COL25A1: variants seen among roughly 807,000 people sequenced by gnomAD.
COL25A1 encodes the protein collagen alpha-1(XXV) chain.
A neutral mutation model predicts 128.4 loss-of-function variants in COL25A1; 103 were observed. The ratio of observed to expected loss-of-function variants is 0.80; its 90% CI spans 0.68 to 0.94. COL25A1 has a LOEUF of 0.94. Among genes scored for constraint, COL25A1 ranks in the 40% least tolerant of loss-of-function variants. The pLI is 0.00. For synonymous variants in COL25A1, 279 were observed against 277.2 expected (o/e 1.01, Z -0.06); for missense variants, 745 against 840.0 (o/e 0.89, Z 1.40).
At chr4:109,267,410 G>C (rs1297945) in intron 3 of COL25A1, among the ~76,000 whole-genome samples, 1 of 151,878 alleles carries the variant, frequency 6.6e-6, no homozygotes, top group South Asian at 2.1e-4. Context: ...CTATTCAATT[G>C]TATTTCTAAA....
chr4:109,232,945 A>G (rs1416399496), intron 3 of COL25A1, among the ~76,000 whole-genome samples: 1 of 152,216 alleles, frequency 6.6e-6, no homozygotes, highest in Non-Finnish European at 1.5e-5. Context: ...ATTCTGTTCT[A>G]AAATTTCAAA....
At chr4:109,238,993 C>G (rs1779653433) in intron 3 of COL25A1, among the ~76,000 whole-genome samples, 3 of 151,978 alleles carry the variant, frequency 2.0e-5, no homozygotes, top group African/African-American at 7.2e-5. Flanking sequence ...GAGGGGAACC[C>G]CTTCATAGGC....
At chr4:108,927,066 C>T (rs551028673) in intron 11 of COL25A1, among the ~76,000 whole-genome samples, 11 of 152,194 alleles carry the variant, frequency 7.2e-5, no homozygotes, top group Non-Finnish European at 1.3e-4. Flanking sequence ...TTCATGGATC[C>T]TGTCTTCAGT....
intron 3 of COL25A1, among the ~76,000 whole-genome samples, chr4:109,072,236 T>C (rs1450602295): frequency 6.6e-6 from 1 of 152,198 alleles, no homozygotes; most frequent in African/African-American, 2.4e-5. Flanking sequence ...TGAGTCTCCA[T>C]ACCTATGTCA....
chr4:108,848,661 C>A, intron 27 of COL25A1, 98 bp downstream of exon 27: 1 of 816,996 alleles, frequency 1.2e-6, no homozygotes, highest in South Asian at 1.5e-5. Context: ...AAGAGGGTAT[C>A]AAATATCAAT....
intron 3 of COL25A1, among the ~76,000 whole-genome samples, chr4:109,171,659 T>A (rs919506408): frequency 6.6e-6 from 1 of 152,218 alleles, no homozygotes; most frequent in African/African-American, 2.4e-5. Flanking sequence ...TTTTCCAAGG[T>A]AAGTGCTGTA....
chr4:109,056,582 T>G (rs193053372), intron 3 of COL25A1, among the ~76,000 whole-genome samples: 1 of 151,928 alleles, frequency 6.6e-6, no homozygotes. Context: ...ATGCAGAAAC[T>G]ATGTTCACTG....
At chr4:108,995,787 A>T (rs955649088) in intron 6 of COL25A1, among the ~76,000 whole-genome samples, 2 of 152,218 alleles carry the variant, frequency 1.3e-5, no homozygotes, top group Non-Finnish European at 2.9e-5. Flanking sequence ...AAACCCTATA[A>T]GCCAGAAGAG....
At chr4:108,822,467 A>G (rs985208267) in intron 35 of COL25A1, among the ~76,000 whole-genome samples, 1 of 152,182 alleles carries the variant, frequency 6.6e-6, no homozygotes, top group Non-Finnish European at 1.5e-5. Flanking sequence ...CCCAGGCTAA[A>G]GTACAGTGGT....
At chr4:108,868,261 T>C (rs927786925) in intron 20 of COL25A1, among the ~76,000 whole-genome samples, 1 of 152,136 alleles carries the variant, frequency 6.6e-6, no homozygotes, top group African/African-American at 2.4e-5. Context: ...CTGAAATATT[T>C]CACCATCCTG....
intron 3 of COL25A1, among the ~76,000 whole-genome samples, chr4:109,185,263 C>T (rs964987690): frequency 6.6e-6 from 1 of 152,136 alleles, no homozygotes; most frequent in South Asian, 2.1e-4. Context: ...CCTTGGGATA[C>T]ACCTAATCTC....
rs1226949530 is a variant in COL25A1, at chr4:108,848,646, A to C, written c.1434+113T>G. ...ATGAAGTCTCTAGAACAAATGGTTA[A>C]AAGAAAGAGGGTATCAAATATCAAT... On this transcript the variant is annotated intron_variant, in intron 27 of 37. Coordinates refer to ENST00000399132, the MANE Select transcript of COL25A1 (RefSeq NM_198721.4). 1.2e-5 allele frequency: 9 copies of C among 743,366 alleles called. No homozygotes were observed. In the East Asian group the frequency reaches 1.3e-4, roughly 11 times the overall value. The allele number at this position is 743,366 out of a possible 1,614,324, so 46.0% of individuals were successfully genotyped here.
At chr4:109,240,311 G>A (rs573225361) in intron 3 of COL25A1, among the ~76,000 whole-genome samples, 2 of 152,134 alleles carry the variant, frequency 1.3e-5, no homozygotes, top group Admixed American at 1.3e-4. Context: ...TGTGAGTAAT[G>A]CATTGTGCCA....
At chr4:109,097,876 A>G (rs1285639433) in intron 3 of COL25A1, among the ~76,000 whole-genome samples, 1 of 151,804 alleles carries the variant, frequency 6.6e-6, no homozygotes, top group Non-Finnish European at 1.5e-5. Flanking sequence ...ATTGGCCAGG[A>G]TGGTCTCAAT....
At chr4:109,230,177 G>A (rs1474937133) in intron 3 of COL25A1, among the ~76,000 whole-genome samples, 1 of 152,088 alleles carries the variant, frequency 6.6e-6, no homozygotes, top group Non-Finnish European at 1.5e-5. Flanking sequence ...ATTTAGGTGG[G>A]GACAAATATC....
At position 108,962,185 on chromosome 4, in the gene COL25A1, C is replaced by CTTTT. The variant is rs201713906; in HGVS notation, c.492+12178_492+12181dup. On this transcript the variant is annotated intron_variant, in intron 8 of 37. Transcript: ENST00000399132. ...CCACCACCATTTCTCTACCTCGATT[C>CTTTT]TTTTTTTTTCTTTTTTTTTTGAGAC... 6.8e-5 allele frequency among the ~76,000 whole-genome samples: 9 copies of CTTTT among 131,956 alleles called. 3 individuals carry two copies. The allele number at this position is 131,956 out of a possible 152,430, so 86.6% of individuals were successfully genotyped here.
intron 16 of COL25A1, among the ~76,000 whole-genome samples, chr4:108,891,409 A>C (rs983022714): frequency 3.9e-5 from 6 of 152,180 alleles, no homozygotes; most frequent in African/African-American, 1.4e-4. Flanking sequence ...ATTAATATCC[A>C]ACTGAGTTCC....
At chr4:109,149,408 G>C (rs1771256424) in intron 3 of COL25A1, among the ~76,000 whole-genome samples, 1 of 151,748 alleles carries the variant, frequency 6.6e-6, no homozygotes, top group Admixed American at 6.6e-5. Flanking sequence ...TTTAAGATGG[G>C]GGTCTTACTG....
At chr4:108,966,585 G>A (rs555390366) in intron 8 of COL25A1, among the ~76,000 whole-genome samples, 14 of 151,996 alleles carry the variant, frequency 9.2e-5, no homozygotes, top group African/African-American at 2.4e-4. Flanking sequence ...GCAGTGGCTC[G>A]CACCTGTAAT....
Sources: gnomAD v4.1 joint callset for allele counts (sites outside exome capture counted in the v4.1 genomes callset) on GRCh38, gnomAD v4.1.1 for gene constraint, MANE v1.5 for transcripts, NCBI Gene and HGNC (gene_info 2026-07-23, HGNC 2026-07-21) for gene names.